RBFOX1: variants seen among roughly 807,000 people sequenced by gnomAD.
RBFOX1 encodes the protein RNA binding fox-1 homolog 1.
A neutral mutation model predicts 57.7 loss-of-function variants in RBFOX1; 8 were observed. The ratio of observed to expected loss-of-function variants is 0.14; its 90% confidence interval spans 0.08 to 0.25. The LOEUF is 0.25. RBFOX1 is among the 10% of genes least tolerant of loss of function. The probability of loss-of-function intolerance (pLI) is 1.00; values close to 1 mark genes in which losing one functional copy is unlikely to be tolerated. For synonymous variants in RBFOX1, 326 were observed against 222.4 expected (o/e 1.47, Z -4.15); for missense variants, 611 against 548.5 (o/e 1.11, Z -1.14).
At chr16:6,809,213 C>T (rs74895965) in intron 3 of RBFOX1, among the ~76,000 whole-genome samples, 355 of 152,270 alleles carry the variant, frequency 2.3e-3, no homozygotes, top group East Asian at 0.015. Context: ...ACCTTGGCTA[C>T]GCTGGAGTCT....
intron 3 of RBFOX1, among the ~76,000 whole-genome samples, chr16:6,827,907 T>G (rs2092349005): frequency 6.6e-6 from 1 of 152,244 alleles, no homozygotes. Context: ...CAGTAGTAAT[T>G]TGCATACATT....
At chr16:6,386,897 G>T (rs978219748) in intron 2 of RBFOX1, among the ~76,000 whole-genome samples, 2 of 152,144 alleles carry the variant, frequency 1.3e-5, no homozygotes, top group Non-Finnish European at 2.9e-5. Context: ...GAAAGATATT[G>T]GATTGTTTGA....
intron 4 of RBFOX1, among the ~76,000 whole-genome samples, chr16:7,065,587 C>CTAAATTAGT (rs1598532316): frequency 1.3e-5 from 2 of 152,258 alleles, no homozygotes; most frequent in East Asian, 3.9e-4. Context: ...AGTATGTGTA[C>CTAAATTAGT]ATTGTGAAAT....
At chr16:7,453,544 G>A (rs1306448046) in intron 4 of RBFOX1, among the ~76,000 whole-genome samples, 2 of 152,206 alleles carry the variant, frequency 1.3e-5, no homozygotes. Context: ...TGTGTTCATA[G>A]TGTATGACAG....
intron 2 of RBFOX1, among the ~76,000 whole-genome samples, chr16:5,525,805 C>T (rs1248617868): frequency 1.3e-5 from 2 of 152,012 alleles, no homozygotes; most frequent in Non-Finnish European, 2.9e-5. Context: ...GCCTAGAGCC[C>T]ACAGTCTTAA....
intron 2 of RBFOX1, among the ~76,000 whole-genome samples, chr16:6,475,212 T>C (rs925522187): frequency 7.9e-5 from 12 of 152,210 alleles, no homozygotes; most frequent in African/African-American, 2.9e-4. Context: ...TAAACACTCA[T>C]AGGTTTTATA....
chr16:6,965,487 C>A (rs764214176), intron 3 of RBFOX1, among the ~76,000 whole-genome samples: 11 of 152,094 alleles, frequency 7.2e-5, no homozygotes, highest in Admixed American at 3.3e-4. Context: ...CAGGCGTGCG[C>A]CACCATGCCT....
intron 3 of RBFOX1, among the ~76,000 whole-genome samples, chr16:6,696,481 C>T (rs1305825474): frequency 1.3e-5 from 2 of 152,046 alleles, no homozygotes; most frequent in African/African-American, 4.8e-5. Flanking sequence ...GATGTAAATC[C>T]AGAGGTAATG....
At chr16:5,999,896 AAAAAAAAAAAAGAGT>A (rs1383733158) in intron 4 of RBFOX1, among the ~76,000 whole-genome samples, 2 of 73,310 alleles carry the variant, frequency 2.7e-5, no homozygotes, top group African/African-American at 5.2e-5. Flanking sequence ...AAAAAAAAAA[AAAAAAAAAAAAGAGT>A]GAAGAAGGGA....
intron 1 of RBFOX1, among the ~76,000 whole-genome samples, chr16:6,148,557 A>C (rs2096775595): frequency 6.6e-6 from 1 of 152,110 alleles, no homozygotes; most frequent in Non-Finnish European, 1.5e-5. Context: ...TCAAATTAGG[A>C]CCAATAAGAG....
At chr16:6,960,995 T>A (rs72774243) in intron 3 of RBFOX1, among the ~76,000 whole-genome samples, 1,009 of 27,560 alleles carry the variant, frequency 0.037, 44 homozygotes, top group Middle Eastern at 0.043. Context: ...AAAAAAAAAA[T>A]TAGCTGGGCA....
rs151179964 is a variant in RBFOX1 at position 7,247,806 on chromosome 16, C to T, written c.27+195708C>T. On this transcript the variant is annotated intron_variant, in intron 4 of 15. Transcript: ENST00000550418. Reference sequence around the variant, plus strand: ...TTTTAAAATGTGGTTCCAAACACTGCATGTTCTCACTTATAAGTGGGGGCT... The same window carrying T: ...TTTTAAAATGTGGTTCCAAACACTGTATGTTCTCACTTATAAGTGGGGGCT... Among the ~76,000 whole-genome samples the T allele has an allele frequency of 8.7e-3, 1,322 of 152,240 alleles. 11 individuals carry two copies. Among genetic ancestry groups the T allele is most frequent in the Admixed American group, 0.014 (219 of 15,294 alleles).
chr16:7,037,810 T>A (rs2044968984), intron 3 of RBFOX1, among the ~76,000 whole-genome samples: 1 of 152,216 alleles, frequency 6.6e-6, no homozygotes, highest in Admixed American at 6.5e-5. Context: ...TCTGAACCAC[T>A]GCATTTTAGA....
intron 1 of RBFOX1, among the ~76,000 whole-genome samples, chr16:5,435,470 A>G (rs2067887154): frequency 6.6e-6 from 1 of 152,174 alleles, no homozygotes; most frequent in African/African-American, 2.4e-5. Flanking sequence ...TCCTGAAGGG[A>G]AAAAACAGCC....
chr16:6,250,739 C>G (rs558857283), intron 1 of RBFOX1, among the ~76,000 whole-genome samples: 1 of 152,272 alleles, frequency 6.6e-6, no homozygotes, highest in South Asian at 2.1e-4. Flanking sequence ...AACCAGGGCA[C>G]TTCCCAGCTT....
chr16:7,603,891 A>G (rs1357639418), intron 9 of RBFOX1, among the ~76,000 whole-genome samples: 2 of 152,148 alleles, frequency 1.3e-5, no homozygotes, highest in Non-Finnish European at 2.9e-5. Flanking sequence ...TTTTAAAAAA[A>G]TTGCTTTGGT....
intron 1 of RBFOX1, among the ~76,000 whole-genome samples, chr16:6,314,645 A>G (rs1458348367): frequency 6.7e-6 from 1 of 148,264 alleles, no homozygotes; most frequent in Non-Finnish European, 1.5e-5. Context: ...TCGGAGATGG[A>G]GGAAGTGACA....
intron 5 of RBFOX1, among the ~76,000 whole-genome samples, chr16:7,568,811 C>G (rs548657850): frequency 1.5e-5 from 2 of 132,180 alleles, no homozygotes; most frequent in African/African-American, 5.4e-5. Context: ...GGCGTGAACC[C>G]GGGAGGCGGA....
chr16:6,646,375 A>C (rs74504369), intron 2 of RBFOX1, among the ~76,000 whole-genome samples: 5,443 of 152,238 alleles, frequency 0.036, 327 homozygotes, highest in African/African-American at 0.12. Flanking sequence ...AAAATCCAGC[A>C]TGGGTTTAGT....
Sources: gnomAD v4.1 joint callset for allele counts (sites outside exome capture counted in the v4.1 genomes callset) on GRCh38, gnomAD v4.1.1 for gene constraint, MANE v1.5 for transcripts, NCBI Gene and HGNC (gene_info 2026-07-23, HGNC 2026-07-21) for gene names.